The following LSG1 variants were observed in gnomAD, a reference collection of about 807,000 sequenced individuals.
The protein encoded by LSG1 is large subunit GTPase 1 homolog.
A neutral mutation model predicts 82.6 loss-of-function variants in LSG1; 55 were observed. That is an observed-to-expected ratio of 0.67 (90% CI 0.54 to 0.83). The LOEUF is 0.83. Ranked by LOEUF, LSG1 falls within the 40% of genes least tolerant of loss-of-function variation. The pLI, the probability that LSG1 is intolerant of heterozygous loss-of-function variation, is 0.00. For synonymous variants in LSG1, 272 were observed against 282.5 expected (o/e 0.96, Z 0.37); for missense variants, 809 against 807.9 (o/e 1.00, Z -0.02).
At chr3:194,669,479 T>A (rs1719099445) in intron 2 of LSG1, among the ~76,000 whole-genome samples, 1 of 152,152 alleles carries the variant, frequency 6.6e-6, no homozygotes, top group Non-Finnish European at 1.5e-5. Flanking sequence ...GCCCACCTCC[T>A]CAGCACCTGT....
chr3:194,647,542 T>C (rs1577251869), intron 11 of LSG1, among the ~76,000 whole-genome samples: 1 of 152,250 alleles, frequency 6.6e-6, no homozygotes, highest in African/African-American at 2.4e-5. Context: ...TTGCAGATAG[T>C]GAACTTAGAA....
At chr3:194,646,017 A>G in intron 12 of LSG1, 147 bp downstream of exon 12, 1 of 723,436 alleles carries the variant, frequency 1.4e-6, no homozygotes, top group Non-Finnish European at 2.4e-6. Flanking sequence ...TAATCCATAT[A>G]ATGTTAACTA....
At chr3:194,644,984 T>A (rs1718489674) in intron 12 of LSG1, 2 of 363,190 alleles carry the variant, frequency 5.5e-6, no homozygotes, top group Non-Finnish European at 9.8e-6. Flanking sequence ...CTCTTTCTTC[T>A]TTTCTCGTTT....
At chr3:194,667,967 A>ATATATG (rs1416812286) in intron 2 of LSG1, among the ~76,000 whole-genome samples, 17 of 134,800 alleles carry the variant, frequency 1.3e-4, no homozygotes, top group African/African-American at 4.8e-4. Flanking sequence ...ATATATATAT[A>ATATATG]TAGCTTTACT....
At chr3:194,668,938 C>A (rs555211059) in intron 2 of LSG1, among the ~76,000 whole-genome samples, 1 of 152,240 alleles carries the variant, frequency 6.6e-6, no homozygotes, top group East Asian at 1.9e-4. Context: ...TGAGAAATAA[C>A]CCAGGCACAG....
Position 194,650,935 on chromosome 3 carries a change from G to A in LSG1, c.1365C>T (p.Cys455=), listed in dbSNP as rs147626898. 7 of 1,614,072 alleles carry A rather than the reference G, an allele frequency of 4.3e-6. No homozygotes were observed. In the African/African-American group the frequency reaches 8.0e-5, roughly 18 times the overall value. The change falls in exon 10 of 14, where the codon TGC becomes TGT. Residue 455 remains cysteine, a synonymous_variant. Coordinates refer to ENST00000265245, the MANE Select transcript of LSG1 (RefSeq NM_018385.3). ...TCTGATCAATTGGGAGGATTCCGCT[G>A]CAAGTCATTTCTGCCTTGGTAGACA... ...SFVSTKAEMT[C]SGILPIDQMR... is the part of the protein sequence containing the mutation.
intron 5 of LSG1, among the ~76,000 whole-genome samples, chr3:194,663,933 A>C (rs1718981847): frequency 6.6e-6 from 1 of 152,092 alleles, no homozygotes. Flanking sequence ...TCATCACCCT[A>C]ATAGGAAATG....
At chr3:194,648,889 C>A in intron 10 of LSG1, 85 bp from the exon 11 acceptor site, 3 of 1,373,414 alleles carry the variant, frequency 2.2e-6, no homozygotes, top group South Asian at 2.5e-5. Context: ...CATGGCACTT[C>A]ATTCCGCGTG....
chr3:194,667,183 T>C (rs1719046995), intron 2 of LSG1, among the ~76,000 whole-genome samples: 1 of 152,122 alleles, frequency 6.6e-6, no homozygotes. Context: ...CCTGAGTAGC[T>C]GGGACTACAG....
rs776152667 is a variant in LSG1, at chr3:194,642,233, A to G, written c.1812T>C (p.Ala604=). Residue 604 remains alanine (A), a synonymous_variant, in exon 14 of 14, where the codon GCT becomes GCC. Transcript: ENST00000265245. ...KTFFHQENVR[A]LTKGVQAVMG... ...TCACAGCCTGGACTCCTTTGGTCAAAGCCCTCACATTCTCCTAGGAAATAA... is the reference window on the plus strand; with the variant it reads ...TCACAGCCTGGACTCCTTTGGTCAAGGCCCTCACATTCTCCTAGGAAATAA... The G allele has an allele frequency of 2.5e-6, 4 of 1,612,132 alleles. No homozygotes were observed. The East Asian group carries it at 6.7e-5, about 27-fold the overall frequency.
intron 2 of LSG1, among the ~76,000 whole-genome samples, chr3:194,669,671 C>A (rs1003292327): frequency 3.9e-5 from 6 of 152,214 alleles, no homozygotes; most frequent in Non-Finnish European, 7.3e-5. Flanking sequence ...CGGTGGCTCA[C>A]ACCTGTAATC....
At chr3:194,658,485 GC>G (rs1158015730) in intron 7 of LSG1, among the ~76,000 whole-genome samples, 1 of 152,130 alleles carries the variant, frequency 6.6e-6, no homozygotes, top group African/African-American at 2.4e-5. Context: ...TAAAAATAAA[GC>G]CCAAACTACT....
intron 7 of LSG1, among the ~76,000 whole-genome samples, chr3:194,657,887 C>G (rs1020272883): frequency 3.3e-5 from 5 of 152,068 alleles, no homozygotes; most frequent in African/African-American, 9.7e-5. Flanking sequence ...AGCATCCTGT[C>G]GCTTAAAATA....
chr3:194,671,079 G>A (rs773146591), intron 1 of LSG1, among the ~76,000 whole-genome samples: 2 of 152,204 alleles, frequency 1.3e-5, no homozygotes, highest in African/African-American at 4.8e-5. Flanking sequence ...CTGGGTGACA[G>A]AGTGTGACCC....
intron 10 of LSG1, 159 bp downstream of exon 10, chr3:194,650,722 T>C: frequency 1.5e-6 from 1 of 670,312 alleles, no homozygotes. Context: ...GAAATGAGGT[T>C]CTATTCTGAA....
chr3:194,642,097 G>C lies in LSG1; in HGVS notation c.1948C>G (p.Arg650Gly), dbSNP rs201522065. Residue 650 changes from arginine (R) to glycine (G), a missense_variant, in exon 14 of 14, where the codon CGT becomes GGT. Physicochemically the swap from Arg to Gly is moderately radical, Grantham distance 125 (BLOSUM62 -2). Transcript: ENST00000265245. ...ATATCCAGGTGCTTGTAGAGTCTACGACTTTTTTCTTTTTTATTTCTGTTG... is the reference window on the plus strand; with the variant it reads ...ATATCCAGGTGCTTGTAGAGTCTACCACTTTTTTCTTTTTTATTTCTGTTG... ...HGNRNKKEKSRRLYKHLDM is the reference protein window; with the variant it reads ...HGNRNKKEKSGRLYKHLDM 16 of 1,612,866 alleles carry C rather than the reference G, an allele frequency of 9.9e-6. No homozygotes were observed. The highest frequency in any genetic ancestry group is 1.3e-5 in the Non-Finnish European group (15 of 1,180,030).
chr3:194,649,449 C>T (rs112063210), intron 10 of LSG1, among the ~76,000 whole-genome samples: 5,872 of 150,866 alleles, frequency 0.039, 385 homozygotes, highest in African/African-American at 0.14. Flanking sequence ...TTTGGGAGGT[C>T]GAGGCAGGCA....
At chr3:194,645,585 C>CACAGACAGACAG (rs1560219884) in intron 12 of LSG1, among the ~76,000 whole-genome samples, 2 of 74,724 alleles carry the variant, frequency 2.7e-5, no homozygotes, top group Non-Finnish European at 5.7e-5. Flanking sequence ...GACACACACA[C>CACAGACAGACAG]ACACACACAC....
At chr3:194,668,273 A>G (rs1719073672) in intron 2 of LSG1, among the ~76,000 whole-genome samples, 1 of 152,026 alleles carries the variant, frequency 6.6e-6, no homozygotes, top group Non-Finnish European at 1.5e-5. Context: ...ACATGTTTTC[A>G]TTTCTTTCGG....
Sources: allele counts gnomAD v4.1 joint callset (sites outside exome capture counted in the v4.1 genomes callset), GRCh38; gene constraint gnomAD v4.1.1; transcripts MANE v1.5; gene names NCBI Gene and HGNC (gene_info 2026-07-23, HGNC 2026-07-21).